TOR3A: variants seen among roughly 807,000 people sequenced by gnomAD.
TOR3A encodes the protein torsin family 3 member A.
TOR3A carries 44 observed loss-of-function variants against 42.1 expected under a neutral mutation model. The ratio of observed to expected loss-of-function variants is 1.04; its 90% CI spans 0.82 to 1.34. The LOEUF (loss-of-function observed/expected upper bound fraction) is 1.34. Ranked by LOEUF, TOR3A falls within the 40% of genes most tolerant of loss-of-function variation. TOR3A has a pLI of 0.00. For missense variants in TOR3A, 521 were observed against 507.6 expected (o/e 1.03, Z -0.25); for synonymous variants, 227 against 213.2 (o/e 1.06, Z -0.57).
rs1369344726 is a variant in TOR3A at position 179,082,195 on chromosome 1, C to T, written c.67C>T (p.Pro23Ser). The T allele has an allele frequency of 1.3e-6, 2 of 1,503,640 alleles. No individual in the cohort carries two copies. Among genetic ancestry groups the T allele is most frequent in the Admixed American group, 2.2e-5 (1 of 46,138 alleles). 93.1% of individuals were successfully genotyped at this position (1,503,640 alleles called of 1,614,324 possible). A position where few individuals can be genotyped will look rare whatever the true frequency, so the allele number is the denominator to read the frequency against. ...GCTGCTGCTCCCGGGCGCGCCTGAG[C>T]CCCGCGGCGCCTCCAGGCCGTGGGA... ...FLLLLPGAPE[P>S]RGASRPWEGT... The change falls in exon 1 of 6, where the codon CCC (proline) becomes TCC (serine). Residue 23 changes from proline to serine, a missense_variant. Physicochemically the swap from Pro to Ser is moderately conservative, Grantham distance 74. Transcript: ENST00000367627.
At chr1:179,083,176 CCA>C (rs1322566895) in intron 2 of TOR3A, 123 bp downstream of exon 2, 8 of 556,474 alleles carry the variant, frequency 1.4e-5, no homozygotes, top group Non-Finnish European at 2.4e-5. Flanking sequence ...GCAGGAACTG[CCA>C]CAGTCTGACT....
chr1:179,085,381 G>A (rs567612072), intron 2 of TOR3A: 29 of 443,514 alleles, frequency 6.5e-5, no homozygotes, highest in Middle Eastern at 5.9e-4. Flanking sequence ...CTGAGATTGC[G>A]CCACTGCACT....
chr1:179,084,557 C>T (rs1336683845), intron 2 of TOR3A, among the ~76,000 whole-genome samples: 2 of 152,212 alleles, frequency 1.3e-5, no homozygotes, highest in Non-Finnish European at 2.9e-5. Context: ...ATAATAATGC[C>T]TGCCTTGCAG....
chr1:179,083,888 C>T (rs1488437297), intron 2 of TOR3A, among the ~76,000 whole-genome samples: 3 of 152,092 alleles, frequency 2.0e-5, no homozygotes, highest in Admixed American at 1.3e-4. Context: ...ATCCCAGGTC[C>T]TTCAATCTCC....
chr1:179,095,461 C>T lies in TOR3A; in HGVS notation c.*243C>T, dbSNP rs1652716464. The T allele has an allele frequency of 1.5e-6, 2 of 1,372,742 alleles. No homozygotes were observed. The highest frequency in any genetic ancestry group is 3.5e-5 in the South Asian group (2 of 56,494). 85.0% of individuals were successfully genotyped at this position (1,372,742 alleles called of 1,614,324 possible). A position where few individuals can be genotyped will look rare whatever the true frequency, so the allele number is the denominator to read the frequency against. ...GAACTTGGATTGCTGAATTCAAAAA[C>T]AGAGCCCATTCTTAAGATCACTTGG... On this transcript the variant is annotated 3_prime_UTR_variant, in exon 6 of 6. Coordinates refer to ENST00000367627, the MANE Select transcript of TOR3A (RefSeq NM_022371.4).
intron 4 of TOR3A, 109 bp downstream of exon 4, chr1:179,088,198 C>T: frequency 1.6e-6 from 2 of 1,214,200 alleles, no homozygotes; most frequent in Non-Finnish European, 2.2e-6. Flanking sequence ...CAAGAAAAAA[C>T]AGCACAAACT....
intron 4 of TOR3A, among the ~76,000 whole-genome samples, chr1:179,092,882 C>G (rs756359661): frequency 6.7e-4 from 102 of 151,842 alleles, no homozygotes; most frequent in African/African-American, 2.4e-3. Context: ...CATGTACCTG[C>G]AGTCTCAGCT....
At position 179,085,912 on chromosome 1, in the gene TOR3A, G is replaced by C. The variant is rs772324730; in HGVS notation, c.639+19G>C. 11 of 1,609,280 alleles carry C rather than the reference G, an allele frequency of 6.8e-6. No homozygotes were observed. The East Asian group carries it at 2.5e-4, about 36-fold the overall frequency. ...GTACAAGGTGAGGCCGACCAGGGCT[G>C]GGGTGAGGCCTCTGTGCTGGGAGGG... On this transcript the variant is annotated intron_variant, in intron 3 of 5. Coordinates refer to ENST00000367627, the MANE Select transcript of TOR3A (RefSeq NM_022371.4).
chr1:179,088,368 C>T (rs1011078715), intron 4 of TOR3A: 6 of 203,524 alleles, frequency 2.9e-5, no homozygotes, highest in South Asian at 1.5e-4. Context: ...ATTAGCTGGG[C>T]GTGGTGACAT....
At position 179,095,667 on chromosome 1, in the gene TOR3A, G is replaced by A; in HGVS notation, c.*449G>A. 1 of 1,008,054 alleles carries A rather than the reference G, an allele frequency of 9.9e-7. No homozygotes were observed. Among genetic ancestry groups the A allele is most frequent in the Non-Finnish European group, 1.2e-6 (1 of 843,704 alleles). 62.4% of individuals were successfully genotyped at this position (1,008,054 alleles called of 1,614,324 possible). On this transcript the variant is annotated 3_prime_UTR_variant, in exon 6 of 6. Coordinates refer to ENST00000367627, the MANE Select transcript of TOR3A (RefSeq NM_022371.4). ...TGGGTGTTAGGCCTCAGAGGCTGTA[G>A]GGTCCTTGGGTTACAGAGCCGGGGA...
At position 179,093,151 on chromosome 1, in the gene TOR3A, G is replaced by A. The variant is rs61823800; in HGVS notation, c.819-942G>A. On this transcript the variant is annotated intron_variant, in intron 4 of 5. Coordinates refer to ENST00000367627, the MANE Select transcript of TOR3A (RefSeq NM_022371.4). The stretch of plus-strand genomic sequence containing the variant: ...GGTGGGGGAGAAGTATGCCTGGGCC[G>A]TGGAGGGCGGAGGAAGGCCAAGTCT... 7.9e-3 allele frequency among the ~76,000 whole-genome samples: 1,205 copies of A among 152,268 alleles called. 11 individuals are homozygous for A. Among genetic ancestry groups the A allele is most frequent in the Middle Eastern group, 0.024 (7 of 294 alleles).
chr1:179,089,591 G>T (rs1572575648), intron 4 of TOR3A, among the ~76,000 whole-genome samples: 1 of 152,166 alleles, frequency 6.6e-6, no homozygotes, highest in African/African-American at 2.4e-5. Flanking sequence ...CACCTTCGGA[G>T]GCAGCCGGGC....
chr1:179,089,698 C>T (rs1248393197), intron 4 of TOR3A, among the ~76,000 whole-genome samples: 2 of 152,206 alleles, frequency 1.3e-5, no homozygotes, highest in African/African-American at 2.4e-5. Context: ...GTTTCTCCAC[C>T]TGAGCCCTGG....
chr1:179,088,656 C>T (rs1427108875), intron 4 of TOR3A, among the ~76,000 whole-genome samples: 1 of 152,210 alleles, frequency 6.6e-6, no homozygotes, highest in Non-Finnish European at 1.5e-5. Flanking sequence ...TTGAGAAACC[C>T]ATGCTTCCTC....
chr1:179,095,881 C>T lies in TOR3A; in HGVS notation c.*663C>T, dbSNP rs1557890543. On this transcript the variant is annotated 3_prime_UTR_variant, in exon 6 of 6. Transcript: ENST00000367627. ...CAAACCAGGTCAGTGTAGGCCAAGA[C>T]TTATGGTCTACAGATTTTGGCGGGG... The T allele has an allele frequency of 2.0e-6, 2 of 983,640 alleles. No individual in the cohort carries two copies. The highest frequency in any genetic ancestry group is 1.1e-4 in the East Asian group (1 of 8,734). The allele number at this position is 983,640 out of a possible 1,614,324, so 60.9% of individuals were successfully genotyped here. A position where few individuals can be genotyped will look rare whatever the true frequency, so the allele number is the denominator to read the frequency against.
intron 4 of TOR3A, chr1:179,088,605 T>C (rs1652497489): frequency 6.6e-6 from 1 of 152,348 alleles, no homozygotes; most frequent in African/African-American, 2.4e-5. Context: ...CTTCTCCGAT[T>C]ATGAGAAGTC....
At position 179,094,995 on chromosome 1, in the gene TOR3A, T is replaced by C; in HGVS notation, c.971T>C (p.Val324Ala). Reference protein sequence around the residue: ...IDNGFGHSRLVKENLIDYFIP... With the variant: ...IDNGFGHSRLAKENLIDYFIP... The stretch of plus-strand genomic sequence containing the variant: ...AATGGCTTTGGCCACAGCCGTCTTG[T>C]GAAGGAAAACCTGATTGACTACTTC... Residue 324 changes from valine (V) to alanine (A), a missense_variant, in exon 6 of 6, where the codon GTG becomes GCG. Transcript: ENST00000367627. 4.3e-6 allele frequency: 7 copies of C among 1,614,232 alleles called. No homozygotes were observed. Among genetic ancestry groups the C allele is most frequent in the Non-Finnish European group, 5.9e-6 (7 of 1,180,056 alleles).
intron 4 of TOR3A, among the ~76,000 whole-genome samples, chr1:179,090,313 A>G (rs1171469308): frequency 1.3e-5 from 2 of 152,226 alleles, no homozygotes; most frequent in Admixed American, 6.5e-5. Flanking sequence ...CTGGGCTGAC[A>G]TAGTCTGTGC....
chr1:179,092,981 G>C (rs943603625), intron 4 of TOR3A, among the ~76,000 whole-genome samples: 30 of 152,178 alleles, frequency 2.0e-4, no homozygotes, highest in African/African-American at 7.0e-4. Context: ...CTCCAATCTG[G>C]GTGACAGAAT....
Sources: allele counts gnomAD v4.1 joint callset (sites outside exome capture counted in the v4.1 genomes callset), GRCh38; gene constraint gnomAD v4.1.1; transcripts MANE v1.5; gene names NCBI Gene and HGNC (gene_info 2026-07-23, HGNC 2026-07-21).